Variants in ZNF718 observed in about 807,000 individuals in gnomAD.
ZNF718 encodes zinc finger protein 718.
A neutral mutation model predicts 2.6 loss-of-function variants in ZNF718; 3 were observed. The observed-to-expected ratio is 1.16, with a 90% confidence interval of 0.53 to 3.01. The LOEUF (loss-of-function observed/expected upper bound fraction) is 3.01, where lower values mean the gene tolerates loss of function less well. Among genes scored for constraint, ZNF718 ranks in the 30% most tolerant of loss-of-function variants. The pLI, the probability that ZNF718 is intolerant of heterozygous loss-of-function variation, is 0.03. For synonymous variants in ZNF718, 135 were observed against 77.9 expected (o/e 1.73, Z -3.86); for missense variants, 468 against 230.0 (o/e 2.03, Z -6.69).
intron 3 of ZNF718, among the ~76,000 whole-genome samples, chr4:191,892 C>T (rs1553821288): frequency 6.6e-6 from 1 of 152,134 alleles, no homozygotes; most frequent in African/African-American, 2.4e-5. Context: ...CTCATGGATT[C>T]CAAGGAATGG....
chr4:148,285 C>A (rs1398885455), intron 3 of ZNF718, among the ~76,000 whole-genome samples: 2 of 152,058 alleles, frequency 1.3e-5, no homozygotes, highest in African/African-American at 2.4e-5. Context: ...GTTGCATGGA[C>A]TCGGAGCCAG....
intron 3 of ZNF718, among the ~76,000 whole-genome samples, chr4:157,011 A>G (rs1200560247): frequency 4.6e-5 from 7 of 150,732 alleles, no homozygotes; most frequent in African/African-American, 1.2e-4. Flanking sequence ...AATTGTTTCA[A>G]TTTTTAGCTT....
At chr4:126,248 A>T (rs138101020) in intron 1 of ZNF718, among the ~76,000 whole-genome samples, 1 of 152,386 alleles carries the variant, frequency 6.6e-6, no homozygotes, top group East Asian at 1.9e-4. Context: ...AGGAGCAAAT[A>T]CAAATTAGAA....
Position 139,428 on chromosome 4 carries a change from A to G in ZNF718, c.226+7923A>G, listed in dbSNP as rs942096503. Among the ~76,000 whole-genome samples, 3 of 152,332 alleles carry G rather than the reference A, an allele frequency of 2.0e-5. No homozygotes were observed. In the East Asian group the frequency reaches 5.8e-4, roughly 29 times the overall value. ...ATAGAGTCTGGAGGCAGAAAACATA[A>G]GACCACTTCACACTTCACCTTTCCA... On this transcript the variant is annotated intron_variant, in intron 3 of 3. Coordinates refer to ENST00000510175, the MANE Select transcript of ZNF718 (RefSeq NM_001039127.6).
At chr4:157,283 T>C (rs985345565) in intron 3 of ZNF718, among the ~76,000 whole-genome samples, 5 of 151,966 alleles carry the variant, frequency 3.3e-5, no homozygotes, top group African/African-American at 1.2e-4. Flanking sequence ...CAGCTAATTT[T>C]GTATGTTTTT....
intron 3 of ZNF718, among the ~76,000 whole-genome samples, chr4:157,509 C>T (rs968015592): frequency 6.6e-6 from 1 of 151,984 alleles, no homozygotes; most frequent in African/African-American, 2.4e-5. Flanking sequence ...TGGAAAAACT[C>T]GATTAGAAAT....
At chr4:167,254 C>A (rs543177506), downstream of ZNF718, among the ~76,000 whole-genome samples, 1 of 152,210 alleles carries the variant, frequency 6.6e-6, no homozygotes, top group South Asian at 2.1e-4. Flanking sequence ...GTTACTCTAA[C>A]CTTGTAGTAT....
In ZNF718 at chr4:171,362, T is replaced by C. The variant is rs146811084; in HGVS notation, c.227-29719T>C. On this transcript the variant is annotated intron_variant and NMD_transcript_variant, in intron 3 of 4. Transcript: ENST00000642529. ...GTGTGCTGGTAGAACCAGTGCTCTC[T>C]TCAAGGCTGTCAGACAGGGACGTTT... 6.6e-3 allele frequency among the ~76,000 whole-genome samples: 1,011 copies of C among 152,312 alleles called. 13 individuals are homozygous for C. The highest frequency in any genetic ancestry group is 0.023 in the African/African-American group (949 of 41,572).
intron 3 of ZNF718, among the ~76,000 whole-genome samples, chr4:156,833 TC>T (rs1716587931): frequency 6.6e-6 from 1 of 152,182 alleles, no homozygotes; most frequent in Admixed American, 6.5e-5. Context: ...ATTATATTTA[TC>T]CATCTGATGA....
chr4:131,608 C>T lies in ZNF718; in HGVS notation c.226+103C>T. The T allele has an allele frequency of 8.6e-6, 2 of 233,410 alleles. 1 individual carries two copies. The highest frequency in any genetic ancestry group is 2.8e-4 in the East Asian group (2 of 7,188). 14.5% of individuals were successfully genotyped at this position (233,410 alleles called of 1,614,324 possible). A position where few individuals can be genotyped will look rare whatever the true frequency, so the allele number is the denominator to read the frequency against. On this transcript the variant is annotated intron_variant, in intron 3 of 3. Transcript: ENST00000510175. ...GTTTGAGAGGCTGAGCACCGTGGCT[C>T]ACGCCTGTAATCCCAGCACTTTGGG...
At chr4:156,709 ATAGTT>A (rs1196923031) in intron 3 of ZNF718, among the ~76,000 whole-genome samples, 1 of 152,206 alleles carries the variant, frequency 6.6e-6, no homozygotes, top group Non-Finnish European at 1.5e-5. Flanking sequence ...GTTGATTCAT[ATAGTT>A]TCTGTCTCTT....
chr4:144,576 A>G (rs1485520927), intron 3 of ZNF718, among the ~76,000 whole-genome samples: 2 of 152,200 alleles, frequency 1.3e-5, no homozygotes, highest in Non-Finnish European at 2.9e-5. Flanking sequence ...GAATTGCATT[A>G]AATCTGTAGA....
intron 3 of ZNF718, among the ~76,000 whole-genome samples, chr4:178,235 C>T (rs1049320503): frequency 6.6e-6 from 1 of 151,400 alleles, no homozygotes; most frequent in African/African-American, 2.4e-5. Flanking sequence ...ACATCCTGGG[C>T]TCAAACAATC....
At chr4:133,731 C>T (rs1268270581) in intron 3 of ZNF718, among the ~76,000 whole-genome samples, 2 of 152,226 alleles carry the variant, frequency 1.3e-5, no homozygotes, top group Admixed American at 6.5e-5. Flanking sequence ...ATGCACTTTT[C>T]ATGAACCTAT....
At chr4:179,175 TA>T (rs1553819487) in intron 3 of ZNF718, among the ~76,000 whole-genome samples, 2 of 152,308 alleles carry the variant, frequency 1.3e-5, no homozygotes, top group African/African-American at 4.8e-5. Flanking sequence ...CATGATAACC[TA>T]GTAAAAAATT....
At chr4:176,931 T>G (rs1553819163) in intron 3 of ZNF718, among the ~76,000 whole-genome samples, 1 of 152,186 alleles carries the variant, frequency 6.6e-6, no homozygotes, top group African/African-American at 2.4e-5. Flanking sequence ...TCTGCATTCA[T>G]TCTTGTTTAT....
chr4:169,735 G>A (rs943626556), intron 3 of ZNF718, among the ~76,000 whole-genome samples: 1 of 152,070 alleles, frequency 6.6e-6, no homozygotes, highest in Non-Finnish European at 1.5e-5. Flanking sequence ...TTGAGCGTAT[G>A]TGTGCCTCTG....
downstream of ZNF718, among the ~76,000 whole-genome samples, chr4:169,112 C>T (rs1553817496): frequency 6.6e-6 from 1 of 152,036 alleles, no homozygotes; most frequent in Non-Finnish European, 1.5e-5. Flanking sequence ...CATTATGTAC[C>T]CAGTAGTCAT....
At chr4:157,862 C>G (rs1225173957) in intron 3 of ZNF718, among the ~76,000 whole-genome samples, 2 of 152,106 alleles carry the variant, frequency 1.3e-5, no homozygotes, top group African/African-American at 2.4e-5. Flanking sequence ...TTTAATACTG[C>G]TTTCAAGTCT....
Sources: allele counts gnomAD v4.1 joint callset (sites outside exome capture counted in the v4.1 genomes callset), GRCh38; gene constraint gnomAD v4.1.1; transcripts MANE v1.5; gene names NCBI Gene and HGNC (gene_info 2026-07-23, HGNC 2026-07-21).